MAGI1: variants seen among roughly 807,000 people sequenced by gnomAD.
The protein encoded by MAGI1 is membrane-associated guanylate kinase, WW and PDZ domain-containing protein 1.
MAGI1 carries 58 observed loss-of-function variants against 139.9 expected under a neutral mutation model. The ratio of observed to expected loss-of-function variants is 0.41; its 90% CI spans 0.34 to 0.52. The LOEUF (loss-of-function observed/expected upper bound fraction) is 0.52, where lower values mean the gene tolerates loss of function less well. Ranked by LOEUF, MAGI1 falls within the 20% of genes least tolerant of loss-of-function variation. The pLI is 0.12. For synonymous variants in MAGI1, 812 were observed against 737.9 expected (o/e 1.10, Z -1.63); for missense variants, 1,874 against 1,901.6 (o/e 0.99, Z 0.27).
chr3:65,985,983 G>A (rs998387860), intron 1 of MAGI1, among the ~76,000 whole-genome samples: 7 of 152,200 alleles, frequency 4.6e-5, no homozygotes, highest in Non-Finnish European at 8.8e-5. Context: ...TTGTAAAGAC[G>A]TCTTCCCTAG....
At chr3:65,714,998 A>C (rs1337197397) in intron 1 of MAGI1, among the ~76,000 whole-genome samples, 1 of 151,852 alleles carries the variant, frequency 6.6e-6, no homozygotes. Context: ...GGTGACAAAG[A>C]TATAAGATGG....
At chr3:65,915,566 G>A (rs899302235) in intron 1 of MAGI1, among the ~76,000 whole-genome samples, 1 of 152,130 alleles carries the variant, frequency 6.6e-6, no homozygotes, top group African/African-American at 2.4e-5. Context: ...GGACTGGGAA[G>A]AGGAAAAACG....
intron 1 of MAGI1, chr3:65,874,288 T>G (rs895247443): frequency 6.6e-6 from 1 of 152,120 alleles, no homozygotes; most frequent in African/African-American, 2.4e-5. Context: ...TCAAAAAAAT[T>G]TGTTTAAAAA....
Position 65,844,358 on chromosome 3 carries a change from T to C in MAGI1, c.313+193638A>G, listed in dbSNP as rs1040763805. The C allele has an allele frequency of 1.8e-5, 6 of 326,582 alleles. No individual in the cohort carries two copies. The East Asian group carries it at 5.3e-4, about 29-fold the overall frequency. The allele number at this position is 326,582 out of a possible 1,614,324, so 20.2% of individuals were successfully genotyped here. On this transcript the variant is annotated intron_variant, in intron 1 of 22. Coordinates refer to ENST00000402939, the MANE Select transcript of MAGI1 (RefSeq NM_001033057.2). ...ATGATCTTGACTGAAAAGGTACAAA[T>C]TGTTCCTAAAGCAGAACAGAAAGTT...
intron 3 of MAGI1, among the ~76,000 whole-genome samples, chr3:65,489,310 C>T (rs1267515490): frequency 6.6e-6 from 1 of 152,142 alleles, no homozygotes; most frequent in Non-Finnish European, 1.5e-5. Flanking sequence ...CCCTGTACAT[C>T]ATATCCCTTG....
At chr3:65,475,195 G>C (rs1950818283) in intron 4 of MAGI1, among the ~76,000 whole-genome samples, 1 of 151,850 alleles carries the variant, frequency 6.6e-6, no homozygotes, top group South Asian at 2.1e-4. Flanking sequence ...TAGTTGTGGT[G>C]ATTTGTTACA....
chr3:65,957,728 C>A (rs577346070), intron 1 of MAGI1, among the ~76,000 whole-genome samples: 68 of 151,922 alleles, frequency 4.5e-4, no homozygotes, highest in Non-Finnish European at 8.2e-4. Context: ...CCGGGGGCTT[C>A]CTGGTTGCTA....
intron 1 of MAGI1, among the ~76,000 whole-genome samples, chr3:65,878,633 G>A (rs562736751): frequency 2.0e-5 from 3 of 151,968 alleles, no homozygotes; most frequent in Non-Finnish European, 2.9e-5. Context: ...AATATTAGAA[G>A]GAAGAAATAA....
At chr3:65,962,679 G>A (rs1359916628) in intron 1 of MAGI1, among the ~76,000 whole-genome samples, 1 of 151,674 alleles carries the variant, frequency 6.6e-6, no homozygotes, top group South Asian at 2.1e-4. Flanking sequence ...TACTAAAAAC[G>A]CTGGGCGTGG....
intron 1 of MAGI1, among the ~76,000 whole-genome samples, chr3:65,765,318 T>C (rs953625469): frequency 1.3e-5 from 2 of 152,196 alleles, no homozygotes; most frequent in African/African-American, 2.4e-5. Context: ...CATAACAGGA[T>C]TGCCACTAAG....
intron 2 of MAGI1, among the ~76,000 whole-genome samples, chr3:65,506,862 T>C (rs911329304): frequency 5.3e-5 from 8 of 152,106 alleles, no homozygotes; most frequent in African/African-American, 1.9e-4. Context: ...GCAATTACAA[T>C]AGCAATTCAA....
At chr3:65,594,367 CATGTAA>C (rs1463029907) in intron 2 of MAGI1, among the ~76,000 whole-genome samples, 6 of 152,180 alleles carry the variant, frequency 3.9e-5, no homozygotes, top group African/African-American at 1.4e-4. Flanking sequence ...CCAAATTAGT[CATGTAA>C]ATTTACTGAA....
chr3:65,527,087 C>A (rs547685664), intron 2 of MAGI1, among the ~76,000 whole-genome samples: 25 of 152,350 alleles, frequency 1.6e-4, no homozygotes, highest in African/African-American at 6.0e-4. Context: ...ATTGTCTTGA[C>A]TTCTCAAACA....
At chr3:65,697,806 A>G (rs1280237031) in intron 1 of MAGI1, among the ~76,000 whole-genome samples, 2 of 92,298 alleles carry the variant, frequency 2.2e-5, no homozygotes, top group African/African-American at 5.9e-5. Flanking sequence ...TCCCTTTGAA[A>G]ACGGGCACAA....
intron 1 of MAGI1, among the ~76,000 whole-genome samples, chr3:65,980,854 T>C (rs796403725): frequency 2.0e-4 from 30 of 152,178 alleles, no homozygotes; most frequent in African/African-American, 6.7e-4. Flanking sequence ...TAAAATGAAA[T>C]AGAATTAGAA....
At chr3:65,634,880 G>A (rs377584584) in intron 1 of MAGI1, among the ~76,000 whole-genome samples, 2 of 152,100 alleles carry the variant, frequency 1.3e-5, no homozygotes, top group Non-Finnish European at 2.9e-5. Context: ...GTAATTTTTG[G>A]TTATTTGGGG....
intron 2 of MAGI1, among the ~76,000 whole-genome samples, chr3:65,505,665 A>C (rs985857212): frequency 6.7e-6 from 1 of 149,924 alleles, no homozygotes; most frequent in Middle Eastern, 3.3e-3. Flanking sequence ...TAATAATAAT[A>C]ATAGGGAATG....
Position 65,356,758 on chromosome 3 carries a change from A to C in MAGI1, c.4009T>G (p.Leu1337Val), listed in dbSNP as rs140619230. 3.5e-3 allele frequency: 5,589 copies of C among 1,601,440 alleles called. 15 individuals carry two copies. Among genetic ancestry groups the C allele is most frequent in the Non-Finnish European group, 4.2e-3 (4,946 of 1,174,598 alleles). Reference sequence around the variant, plus strand: ...TTCTCGTGCTTCTCCCTCCTCTCCAAAGTGTTGTCGGCGCTGCGGGTGCCC... The same window carrying C: ...TTCTCGTGCTTCTCCCTCCTCTCCACAGTGTTGTCGGCGCTGCGGGTGCCC... ...REGTRSADNT[L>V]ERREKHEKRR... The change falls in exon 23 of 23, where the codon TTG becomes GTG. Residue 1337 changes from leucine to valine, a missense_variant. By Grantham distance (32) the Leu-to-Val change is conservative. This residue lies in a region of MAGI1 where 653 missense variants were observed against 644.5 expected (regional missense o/e 1.01). Transcript: ENST00000402939.
intron 1 of MAGI1, among the ~76,000 whole-genome samples, chr3:65,798,867 G>T (rs560124465): frequency 1.3e-5 from 2 of 152,278 alleles, no homozygotes; most frequent in South Asian, 4.1e-4. Flanking sequence ...CCAGCTCAAA[G>T]GGGAACCGGC....
Sources: gnomAD v4.1 joint callset for allele counts (sites outside exome capture counted in the v4.1 genomes callset) on GRCh38, gnomAD v4.1.1 for gene constraint, gnomAD v4.1.1 regional missense constraint, MANE v1.5 for transcripts, NCBI Gene and HGNC (gene_info 2026-07-23, HGNC 2026-07-21) for gene names.